IGSF21: variants seen among roughly 807,000 people sequenced by gnomAD.
IGSF21 encodes the protein immunoglobulin superfamily member 21.
A neutral mutation model predicts 46.8 loss-of-function variants in IGSF21; 28 were observed. That is an observed-to-expected ratio of 0.60 (90% confidence interval 0.44 to 0.82). The LOEUF (loss-of-function observed/expected upper bound fraction) is 0.82, where lower values mean the gene tolerates loss of function less well. IGSF21 is among the 40% of genes least tolerant of loss of function. The pLI is 0.00. For synonymous variants in IGSF21, 284 were observed against 273.6 expected (o/e 1.04, Z -0.38); for missense variants, 624 against 665.5 (o/e 0.94, Z 0.69).
intron 2 of IGSF21, among the ~76,000 whole-genome samples, chr1:18,277,620 C>T (rs2085114808): frequency 6.6e-6 from 1 of 152,210 alleles, no homozygotes; most frequent in Admixed American, 6.5e-5. Flanking sequence ...CAACTGGAAA[C>T]TGTCCAGGTG....
intron 2 of IGSF21, among the ~76,000 whole-genome samples, chr1:18,241,631 C>T (rs1017435156): frequency 6.6e-6 from 1 of 152,278 alleles, no homozygotes; most frequent in South Asian, 2.1e-4. Flanking sequence ...CCCTCGAATG[C>T]GCTGAATCCC....
chr1:18,182,408 A>C (rs1372351068), intron 1 of IGSF21, among the ~76,000 whole-genome samples: 1 of 151,908 alleles, frequency 6.6e-6, no homozygotes, highest in African/African-American at 2.4e-5. Context: ...TGAACTCCTA[A>C]CCTCAGGTGA....
At chr1:18,341,988 G>A (rs192474748) in intron 4 of IGSF21, among the ~76,000 whole-genome samples, 1 of 151,706 alleles carries the variant, frequency 6.6e-6, no homozygotes, top group Admixed American at 6.6e-5. Flanking sequence ...TGACGTTTCT[G>A]GTTGGTTTGT....
At position 18,226,423 on chromosome 1, in the gene IGSF21, C is replaced by T. The variant is rs537409911; in HGVS notation, c.71-1475C>T. Among the ~76,000 whole-genome samples the T allele has an allele frequency of 1.0e-3, 157 of 152,240 alleles. 1 individual carries two copies. The highest frequency in any genetic ancestry group is 3.5e-3 in the African/African-American group (147 of 41,550). On this transcript the variant is annotated intron_variant, in intron 1 of 9. Coordinates refer to ENST00000251296, the MANE Select transcript of IGSF21 (RefSeq NM_032880.5). ...TTGAGTAAATGAGGAAAGGAGGATC[C>T]GGGTTGGTCCTTCTGATCTTGGAAG...
rs1369480921 is a variant in IGSF21 at position 18,351,290 on chromosome 1, C to T, written c.425-10825C>T. Among the ~76,000 whole-genome samples the T allele has an allele frequency of 2.0e-5, 3 of 150,652 alleles. No individual in the cohort carries two copies. The East Asian group carries it at 6.0e-4, about 30-fold the overall frequency. On this transcript the variant is annotated intron_variant, in intron 4 of 9. Transcript: ENST00000251296. The stretch of plus-strand genomic sequence containing the variant: ...CCCTCGCATGAGACAGCCACCCGTG[C>T]CATCTTCATTCTATGGGTGGGGGGG...
chr1:18,142,456 C>T (rs57236859), intron 1 of IGSF21, among the ~76,000 whole-genome samples: 1,807 of 152,262 alleles, frequency 0.012, 35 homozygotes, highest in African/African-American at 0.041. Context: ...TACTTGATCA[C>T]CTGATGGTTC....
At chr1:18,311,440 T>A (rs2124585067) in intron 3 of IGSF21, among the ~76,000 whole-genome samples, 1 of 152,330 alleles carries the variant, frequency 6.6e-6, no homozygotes, top group Non-Finnish European at 1.5e-5. Flanking sequence ...CAGACTCCAC[T>A]GTCATTCTGT....
chr1:18,192,142 C>T (rs542803666), intron 1 of IGSF21, among the ~76,000 whole-genome samples: 57 of 152,322 alleles, frequency 3.7e-4, no homozygotes, highest in Middle Eastern at 3.4e-3. Context: ...GCATTTACCA[C>T]GTAAGCATCC....
chr1:18,125,463 G>A (rs528442227), intron 1 of IGSF21, among the ~76,000 whole-genome samples: 2 of 151,950 alleles, frequency 1.3e-5, no homozygotes, highest in African/African-American at 2.4e-5. Flanking sequence ...GGACAGATAC[G>A]GCTACCTCGT....
Position 18,173,210 on chromosome 1 carries a change from C to T in IGSF21, c.71-54688C>T, listed in dbSNP as rs973251240. Among the ~76,000 whole-genome samples, 4 of 152,256 alleles carry T rather than the reference C, an allele frequency of 2.6e-5. No individual in the cohort carries two copies. The South Asian group carries it at 8.3e-4, about 32-fold the overall frequency. ...GGCTGAGGCAGGAGAATGGCGTGAA[C>T]CCGGGAGGCGGAGCTTGCAGTGAGC... is the stretch of plus-strand genomic sequence containing the variant. On this transcript the variant is annotated intron_variant, in intron 1 of 9. Transcript: ENST00000251296.
At chr1:18,187,790 G>T (rs1038587367) in intron 1 of IGSF21, among the ~76,000 whole-genome samples, 1 of 152,044 alleles carries the variant, frequency 6.6e-6, no homozygotes. Flanking sequence ...ATTTTTTCTG[G>T]GGGGGTGGGG....
chr1:18,121,086 A>G (rs2086230228), intron 1 of IGSF21, among the ~76,000 whole-genome samples: 2 of 152,184 alleles, frequency 1.3e-5, no homozygotes, highest in Non-Finnish European at 2.9e-5. Flanking sequence ...CACATCAGTT[A>G]TGAAGAGGCT....
At chr1:18,199,901 T>C (rs201114971) in intron 1 of IGSF21, among the ~76,000 whole-genome samples, 118 of 106,178 alleles carry the variant, frequency 1.1e-3, no homozygotes, top group African/African-American at 1.9e-3. Context: ...GGCCCCCCCC[T>C]ACCCCCGTGA....
At chr1:18,150,283 A>T (rs1475913093) in intron 1 of IGSF21, among the ~76,000 whole-genome samples, 1 of 152,148 alleles carries the variant, frequency 6.6e-6, no homozygotes, top group African/African-American at 2.4e-5. Context: ...CTGGGGTGGA[A>T]TCCTCTGCTG....
chr1:18,219,681 A>C (rs2084487760), intron 1 of IGSF21, among the ~76,000 whole-genome samples: 1 of 152,144 alleles, frequency 6.6e-6, no homozygotes, highest in African/African-American at 2.4e-5. Context: ...CTGATTGGCA[A>C]ATAGGGGAAA....
intron 3 of IGSF21, among the ~76,000 whole-genome samples, chr1:18,308,022 C>T (rs1417467577): frequency 2.0e-5 from 3 of 152,148 alleles, no homozygotes; most frequent in African/African-American, 7.2e-5. Context: ...CCCAACGGCC[C>T]CTAAAGGGAC....
At chr1:18,226,792 T>C (rs2084571528) in intron 1 of IGSF21, among the ~76,000 whole-genome samples, 1 of 152,244 alleles carries the variant, frequency 6.6e-6, no homozygotes, top group Non-Finnish European at 1.5e-5. Flanking sequence ...GTTTTCTCAT[T>C]AAGACTATCG....
At chr1:18,197,032 G>A (rs1000989083) in intron 1 of IGSF21, among the ~76,000 whole-genome samples, 7 of 152,162 alleles carry the variant, frequency 4.6e-5, no homozygotes, top group Non-Finnish European at 7.3e-5. Context: ...ATCTGGCTTC[G>A]CTAGAGAGCG....
chr1:18,266,815 C>A (rs115148892), intron 2 of IGSF21, among the ~76,000 whole-genome samples: 5,019 of 152,246 alleles, frequency 0.033, 277 homozygotes, highest in African/African-American at 0.11. Context: ...GACACAGGGG[C>A]CTTCACAGCC....
Sources: allele counts gnomAD v4.1 joint callset (sites outside exome capture counted in the v4.1 genomes callset), GRCh38; gene constraint gnomAD v4.1.1; transcripts MANE v1.5; gene names NCBI Gene and HGNC (gene_info 2026-07-23, HGNC 2026-07-21).